Variants in ADRA1B observed in about 807,000 individuals in gnomAD.
ADRA1B encodes alpha-1B adrenergic receptor.
ADRA1B carries 17 observed loss-of-function variants against 17.9 expected under a neutral mutation model. The ratio of observed to expected loss-of-function variants is 0.95; its 90% CI spans 0.65 to 1.42. The LOEUF (loss-of-function observed/expected upper bound fraction) is 1.42, where lower values mean the gene tolerates loss of function less well. Among genes scored for constraint, ADRA1B ranks in the 40% most tolerant of loss-of-function variants. The pLI is 0.00. For synonymous variants in ADRA1B, 366 were observed against 327.6 expected (o/e 1.12, Z -1.27); for missense variants, 681 against 722.1 (o/e 0.94, Z 0.65).
the ADRA1B span, among the ~76,000 whole-genome samples, chr5:159,987,930 C>CA: frequency 2.0e-5 from 3 of 152,128 alleles, no homozygotes; most frequent in Admixed American, 6.6e-5. Context: ...GAATGCCCCC[C>CA]CTCGGCCGGC....
chr5:159,972,733 CCTCT>C lies in ADRA1B; in HGVS notation c.*249_*252del. Among the ~76,000 whole-genome samples the C allele has an allele frequency of 6.6e-6, 1 of 152,206 alleles. No homozygotes were observed. Among genetic ancestry groups the C allele is most frequent in the African/African-American group, 2.4e-5 (1 of 41,558 alleles). ...GGGGACCCGACGCCGCCGGGATTTA[CCTCT>C]CTCTCTCCCTCTGTGTATATATAAA... On this transcript the variant is annotated 3_prime_UTR_variant, in exon 2 of 2. Coordinates refer to ENST00000306675, the MANE Select transcript of ADRA1B (RefSeq NM_000679.4).
upstream of ADRA1B, among the ~76,000 whole-genome samples, chr5:159,912,344 C>A (rs2113135865): frequency 6.6e-6 from 1 of 152,348 alleles, no homozygotes; most frequent in South Asian, 2.1e-4. Context: ...CTCTCCTGAC[C>A]AGGGTCATAG....
At chr5:159,955,021 A>G (rs1458130811) in intron 1 of ADRA1B, 1 of 482,628 alleles carries the variant, frequency 2.1e-6, no homozygotes, top group African/African-American at 2.1e-5. Flanking sequence ...ATAAGGGTTC[A>G]TCTTGCTGGA....
At chr5:159,865,858 A>T (rs945513842) in intron 1 of ADRA1B, among the ~76,000 whole-genome samples, 1 of 152,246 alleles carries the variant, frequency 6.6e-6, no homozygotes, top group Non-Finnish European at 1.5e-5. Context: ...ACTCTAAAAC[A>T]TCAACACCTT....
intron 1 of ADRA1B, among the ~76,000 whole-genome samples, chr5:159,908,517 C>G (rs918465762): frequency 2.6e-5 from 4 of 152,170 alleles, no homozygotes; most frequent in African/African-American, 9.7e-5. Flanking sequence ...CTTTCTTCCT[C>G]TTTCCCCACG....
At chr5:159,984,967 T>C in the ADRA1B span, among the ~76,000 whole-genome samples, 1 of 152,040 alleles carries the variant, frequency 6.6e-6, no homozygotes, top group East Asian at 1.9e-4. Flanking sequence ...CCTCCAGTGA[T>C]TTCCCATCAC....
intron 1 of ADRA1B, among the ~76,000 whole-genome samples, chr5:159,867,414 T>G (rs2113061591): frequency 6.6e-6 from 1 of 152,206 alleles, no homozygotes; most frequent in South Asian, 2.1e-4. Context: ...TTCTGGGGAG[T>G]GATTATATCA....
chr5:159,907,791 C>T (rs959343298), intron 1 of ADRA1B, among the ~76,000 whole-genome samples: 4 of 152,142 alleles, frequency 2.6e-5, no homozygotes, highest in Non-Finnish European at 5.9e-5. Flanking sequence ...AAGTAACTTG[C>T]CCAAGGTCAC....
At chr5:159,914,967 C>T (rs955543690), upstream of ADRA1B, among the ~76,000 whole-genome samples, 5 of 152,210 alleles carry the variant, frequency 3.3e-5, no homozygotes, top group Admixed American at 6.5e-5. Flanking sequence ...TCTCTCTGAA[C>T]CACTGTTTCT....
chr5:159,882,174 T>A (rs899947371), intron 1 of ADRA1B, among the ~76,000 whole-genome samples: 1 of 152,150 alleles, frequency 6.6e-6, no homozygotes, highest in African/African-American at 2.4e-5. Flanking sequence ...GACTGTTTTG[T>A]AAAATAAATT....
At chr5:159,904,547 C>T (rs1332767665) in intron 1 of ADRA1B, among the ~76,000 whole-genome samples, 5 of 152,176 alleles carry the variant, frequency 3.3e-5, no homozygotes, top group Non-Finnish European at 7.3e-5. Context: ...TCAATGGAGA[C>T]CAGGTGGCCT....
At chr5:159,953,839 CA>C (rs1755497608) in intron 1 of ADRA1B, among the ~76,000 whole-genome samples, 1 of 151,692 alleles carries the variant, frequency 6.6e-6, no homozygotes, top group African/African-American at 2.4e-5. Context: ...GGCGATAATC[CA>C]AAACCTATGC....
At chr5:159,931,328 AG>A (rs572020354) in intron 1 of ADRA1B, among the ~76,000 whole-genome samples, 2 of 151,696 alleles carry the variant, frequency 1.3e-5, no homozygotes, top group African/African-American at 4.8e-5. Context: ...CAGGAGGTCA[AG>A]GGTACAATGA....
intron 1 of ADRA1B, among the ~76,000 whole-genome samples, chr5:159,967,042 T>C (rs1755788823): frequency 6.6e-6 from 1 of 152,196 alleles, no homozygotes; most frequent in African/African-American, 2.4e-5. Flanking sequence ...TATGACCCCA[T>C]TTTTTTAAAT....
chr5:159,924,824 C>T (rs759667634), intron 1 of ADRA1B, among the ~76,000 whole-genome samples: 3 of 152,140 alleles, frequency 2.0e-5, no homozygotes, highest in Non-Finnish European at 4.4e-5. Flanking sequence ...CCATATCTGC[C>T]GAATGTTTCT....
intron 1 of ADRA1B, among the ~76,000 whole-genome samples, chr5:159,875,650 G>A (rs781297358): frequency 5.3e-5 from 8 of 152,218 alleles, no homozygotes; most frequent in African/African-American, 1.9e-4. Flanking sequence ...ACCAGCTGGA[G>A]CTCAATAACC....
intron 1 of ADRA1B, among the ~76,000 whole-genome samples, chr5:159,891,755 G>T (rs565652829): frequency 6.6e-6 from 1 of 152,274 alleles, no homozygotes; most frequent in African/African-American, 2.4e-5. Flanking sequence ...ATGCAACAAG[G>T]GCAAAGTGGT....
chr5:159,870,950 G>T (rs1007623116), intron 1 of ADRA1B: 1 of 152,196 alleles, frequency 6.6e-6, no homozygotes, highest in Admixed American at 6.5e-5. Context: ...GGGCCAAGTT[G>T]TATGAAAACC....
chr5:159,985,575 G>A, the ADRA1B span, among the ~76,000 whole-genome samples: 29 of 152,330 alleles, frequency 1.9e-4, no homozygotes, highest in East Asian at 5.6e-3. Flanking sequence ...CAGTGACATT[G>A]TACCAACAGC....
Sources: allele counts gnomAD v4.1 joint callset (sites outside exome capture counted in the v4.1 genomes callset), GRCh38; gene constraint gnomAD v4.1.1; transcripts MANE v1.5; gene names NCBI Gene and HGNC (gene_info 2026-07-23, HGNC 2026-07-21).